The following SRGAP2 variants were observed in gnomAD, a reference collection of about 807,000 sequenced individuals.
SRGAP2 encodes SLIT-ROBO Rho GTPase activating protein 2.
SRGAP2 carries 15 observed loss-of-function variants against 57.2 expected under a neutral mutation model. That is an observed-to-expected ratio of 0.26 (90% CI 0.18 to 0.40). SRGAP2 has a LOEUF of 0.40. Ranked by LOEUF, SRGAP2 falls within the 10% of genes least tolerant of loss-of-function variation. SRGAP2 has a pLI of 1.00. For synonymous variants in SRGAP2, 249 were observed against 248.0 expected (o/e 1.00, Z -0.04); for missense variants, 520 against 669.6 (o/e 0.78, Z 2.47).
At chr1:206,363,658 G>T (rs1459023578) in intron 4 of SRGAP2, among the ~76,000 whole-genome samples, 1 of 151,806 alleles carries the variant, frequency 6.6e-6, no homozygotes, top group African/African-American at 2.4e-5. Flanking sequence ...GTCTTTCATG[G>T]TTTTAAAGAG....
intron 13 of SRGAP2, among the ~76,000 whole-genome samples, chr1:206,428,434 A>AAG (rs1661002027): frequency 6.6e-6 from 1 of 151,740 alleles, no homozygotes; most frequent in African/African-American, 2.4e-5. Context: ...AAAAAAAAAA[A>AAG]AAAAGAAAAA....
intron 18 of SRGAP2, among the ~76,000 whole-genome samples, chr1:206,448,056 G>A (rs782142671): frequency 6.6e-6 from 1 of 152,196 alleles, no homozygotes; most frequent in Non-Finnish European, 1.5e-5. Flanking sequence ...GGTTGAGAGG[G>A]ACCTTCTAAC....
intron 3 of SRGAP2, among the ~76,000 whole-genome samples, chr1:206,305,924 T>C (rs1183600376): frequency 2.6e-5 from 4 of 151,926 alleles, no homozygotes; most frequent in African/African-American, 9.7e-5. Flanking sequence ...CTCTTTATGA[T>C]AAGAGAATCA....
At chr1:206,397,267 C>T (rs1657687094) in intron 7 of SRGAP2, among the ~76,000 whole-genome samples, 1 of 151,844 alleles carries the variant, frequency 6.6e-6, no homozygotes, top group Non-Finnish European at 1.5e-5. Flanking sequence ...TCGGTAGTGT[C>T]TTTCTTTTTC....
intron 2 of SRGAP2, among the ~76,000 whole-genome samples, chr1:206,266,587 T>A (rs1669864655): frequency 6.6e-6 from 1 of 152,168 alleles, no homozygotes; most frequent in African/African-American, 2.4e-5. Context: ...TGCCTGGACA[T>A]TCAGCTGCCA....
chr1:206,270,493 T>C lies in SRGAP2; in HGVS notation c.68-32788T>C, dbSNP rs1670124956. The stretch of plus-strand genomic sequence containing the variant: ...ATGTATATACCCTTTGACTTACTGG[T>C]TTCCTTCTACCACTTTATTCTGTAG... On this transcript the variant is annotated intron_variant, in intron 2 of 22. Transcript: ENST00000573034. Among the ~76,000 whole-genome samples, 2 of 129,560 alleles carry C rather than the reference T, an allele frequency of 1.5e-5. 1 individual carries two copies. Among genetic ancestry groups the C allele is most frequent in the African/African-American group, 6.3e-5 (2 of 31,788 alleles). The allele number at this position is 129,560 out of a possible 152,430, so 85.0% of individuals were successfully genotyped here.
Position 206,437,974 on chromosome 1 carries a change from C to T in SRGAP2, c.1644C>T (p.Pro548=). ...GTTGCTTATCCTCAGGAGAGGACCC[C>T]CTGGCTGGGGACCAGAACGACCATG... is the stretch of plus-strand genomic sequence containing the variant. ...IKNAFERGED[P]LAGDQNDHDM... The change falls in exon 16 of 23, where the codon CCC becomes CCT. Residue 548 remains proline, a synonymous_variant. Transcript: ENST00000573034. 1 of 780,810 alleles carries T rather than the reference C, an allele frequency of 1.3e-6. No homozygotes were observed. Among genetic ancestry groups the T allele is most frequent in the Non-Finnish European group, 2.4e-6 (1 of 417,946 alleles). The allele number at this position is 780,810 out of a possible 1,614,324, so 48.4% of individuals were successfully genotyped here. A position where few individuals can be genotyped will look rare whatever the true frequency, so the allele number is the denominator to read the frequency against.
intron 2 of SRGAP2, among the ~76,000 whole-genome samples, chr1:206,296,578 C>T (rs1671608180): frequency 6.6e-6 from 1 of 151,964 alleles, no homozygotes; most frequent in African/African-American, 2.4e-5. Flanking sequence ...TAAAGGCATG[C>T]ACCACCACCC....
intron 2 of SRGAP2, among the ~76,000 whole-genome samples, chr1:206,218,186 G>A (rs1286884748): frequency 1.3e-5 from 2 of 151,776 alleles, no homozygotes; most frequent in Non-Finnish European, 2.9e-5. Flanking sequence ...GCGGGTGCCT[G>A]TAATTTATCT....
chr1:206,256,274 G>A (rs1383022123), intron 2 of SRGAP2, among the ~76,000 whole-genome samples: 1 of 152,130 alleles, frequency 6.6e-6, no homozygotes, highest in African/African-American at 2.4e-5. Context: ...TTGATTTTGA[G>A]TAATAAATTC....
At chr1:206,414,033 C>CTTTTTTTTTT (rs1202216512) in intron 10 of SRGAP2, among the ~76,000 whole-genome samples, 1 of 128,954 alleles carries the variant, frequency 7.8e-6, no homozygotes, top group Non-Finnish European at 1.6e-5. Flanking sequence ...CTTTTTCTTT[C>CTTTTTTTTTT]TTTTTTTTTT....
At chr1:206,300,035 G>A (rs1338844514) in intron 2 of SRGAP2, among the ~76,000 whole-genome samples, 5 of 151,180 alleles carry the variant, frequency 3.3e-5, no homozygotes, top group African/African-American at 9.8e-5. Flanking sequence ...TGGATCAGGG[G>A]TGGGGATATT....
At position 206,454,180 on chromosome 1, in the gene SRGAP2, C is replaced by T; in HGVS notation, c.2361-698C>T. ...GAGTGAGTCTGCACCCTCCCAGCCT[C>T]TTCCCGGCTCGTTCTGCAGGGAAAT... On this transcript the variant is annotated intron_variant, in intron 20 of 22. Coordinates refer to ENST00000573034, the MANE Select transcript of SRGAP2 (RefSeq NM_015326.5). The surrounding 1 kb of genome is among the most constrained non-coding windows in gnomAD (Gnocchi z 4.3). 1 of 702,538 alleles carries T rather than the reference C, an allele frequency of 1.4e-6. No individual in the cohort carries two copies. The highest frequency in any genetic ancestry group is 2.6e-6 in the Non-Finnish European group (1 of 384,982). 43.5% of individuals were successfully genotyped at this position (702,538 alleles called of 1,614,324 possible). A position where few individuals can be genotyped will look rare whatever the true frequency, so the allele number is the denominator to read the frequency against.
intron 4 of SRGAP2, among the ~76,000 whole-genome samples, chr1:206,367,250 A>G (rs1440941564): frequency 1.3e-5 from 2 of 152,148 alleles, no homozygotes; most frequent in African/African-American, 4.8e-5. Context: ...ATTCTTTTGT[A>G]TATGTCTTTC....
chr1:206,421,101 T>C (rs1553364152), intron 12 of SRGAP2, 149 bp from the exon 13 acceptor site: 1 of 530,970 alleles, frequency 1.9e-6, no homozygotes, highest in Admixed American at 3.5e-5. Flanking sequence ...ATGTCACATG[T>C]TTCATTGGCT....
chr1:206,349,619 G>T (rs1259196283), intron 4 of SRGAP2, among the ~76,000 whole-genome samples: 1,440 of 134,968 alleles, frequency 0.011, 18 homozygotes, highest in Non-Finnish European at 0.014. Context: ...TTGTGATGGG[G>T]ATATTATGCT....
At chr1:206,437,942 C>T (rs782237166) in intron 15 of SRGAP2, 22 bp from the exon 16 acceptor site, 25 of 780,078 alleles carry the variant, frequency 3.2e-5, no homozygotes, top group Middle Eastern at 2.4e-4. Flanking sequence ...CTTTCCTTTT[C>T]GTGGGGGTTG....
chr1:206,270,734 C>T lies in SRGAP2; in HGVS notation c.68-32547C>T, dbSNP rs1470532364. The stretch of plus-strand genomic sequence containing the variant: ...TGTTAAATGAAAAAAATGTGGCACA[C>T]GTGCCACGTTTTAAAAAGGGAAGGG... On this transcript the variant is annotated intron_variant, in intron 2 of 22. Coordinates refer to ENST00000573034, the MANE Select transcript of SRGAP2 (RefSeq NM_015326.5). 5.2e-3 allele frequency among the ~76,000 whole-genome samples: 250 copies of T among 48,242 alleles called. 2 individuals are homozygous for T. The highest frequency in any genetic ancestry group is 0.031 in the Middle Eastern group (1 of 32). 31.6% of individuals were successfully genotyped at this position (48,242 alleles called of 152,430 possible). A position where few individuals can be genotyped will look rare whatever the true frequency, so the allele number is the denominator to read the frequency against.
intron 4 of SRGAP2, among the ~76,000 whole-genome samples, chr1:206,355,321 A>G (rs1676350706): frequency 6.6e-6 from 1 of 152,122 alleles, no homozygotes; most frequent in Non-Finnish European, 1.5e-5. Context: ...TGTAAATTGG[A>G]AGTTGGTTCT....
Sources: gnomAD v4.1 joint callset for allele counts (sites outside exome capture counted in the v4.1 genomes callset) on GRCh38, gnomAD v4.1.1 for gene constraint, Gnocchi (gnomAD v3.1) non-coding constraint, MANE v1.5 for transcripts, NCBI Gene and HGNC (gene_info 2026-07-23, HGNC 2026-07-21) for gene names.